The following ZNF320 variants were observed in gnomAD, a reference collection of about 807,000 sequenced individuals.
ZNF320 encodes zinc finger gene 320.
A neutral mutation model predicts 6.8 loss-of-function variants in ZNF320; 2 were observed. That is an observed-to-expected ratio of 0.29 (90% CI 0.12 to 0.93). The LOEUF is 0.93. ZNF320 is among the 40% of genes least tolerant of loss of function. ZNF320 has a pLI of 0.55. For synonymous variants in ZNF320, 208 were observed against 203.2 expected, an observed-to-expected ratio of 1.02 and a Z score of -0.20; for missense variants, 472 against 611.0, an observed-to-expected ratio of 0.77 and a Z score of 2.40.
At chr19:52,899,981 T>C (rs1290476534), upstream of ZNF320, among the ~76,000 whole-genome samples, 1 of 152,218 alleles carries the variant, frequency 6.6e-6, no homozygotes, top group Non-Finnish European at 1.5e-5. Context: ...TAATTACCTA[T>C]GGCTATGCTT....
intron 2 of ZNF320, chr19:52,892,390 C>G (rs111439296): frequency 0.026 from 3,975 of 152,086 alleles, 152 homozygotes; most frequent in African/African-American, 0.085. Context: ...AACGAACAAA[C>G]AAAAAAAGAA....
At chr19:52,882,641 T>C (rs537612618) in intron 5 of ZNF320, among the ~76,000 whole-genome samples, 1 of 152,054 alleles carries the variant, frequency 6.6e-6, no homozygotes, top group African/African-American at 2.4e-5. Flanking sequence ...AGTGAGACTC[T>C]GTCTCAGAAA....
intron 5 of ZNF320, chr19:52,864,206 A>G (rs2063506315): frequency 5.2e-6 from 1 of 192,722 alleles, no homozygotes; most frequent in Non-Finnish European, 1.1e-5. Context: ...AGGCGTTATC[A>G]CCTTCACACG....
intron 5 of ZNF320, among the ~76,000 whole-genome samples, chr19:52,887,488 A>G (rs976322356): frequency 1.1e-4 from 16 of 152,224 alleles, no homozygotes; most frequent in Admixed American, 1.0e-3. Flanking sequence ...GAGCACTGTA[A>G]TATGTAATAT....
chr19:52,859,867 G>A (rs566316226), downstream of ZNF320, among the ~76,000 whole-genome samples: 3 of 151,830 alleles, frequency 2.0e-5, no homozygotes. Flanking sequence ...TACAAAGTAG[G>A]GTGTCCTCAT....
Position 52,881,671 on chromosome 19 carries a change from C to T in ZNF320, c.455G>A (p.Arg152Lys), listed in dbSNP as rs755948199. The part of the protein sequence containing the change: ...SRFHLHLRRH[R>K]RIHTGEKPYK... Reference sequence around the variant, plus strand: ...AGGTTTCTCTCCAGTATGAATTCTCCTATGTCTTCGCAAATGCAAATGAAA... The same window carrying T: ...AGGTTTCTCTCCAGTATGAATTCTCTTATGTCTTCGCAAATGCAAATGAAA... Residue 152 changes from arginine (R) to lysine (K), a missense_variant, in exon 6 of 6, where the codon AGG becomes AAG. This residue lies in a region of ZNF320 where 462 missense variants were observed against 559.7 expected (regional missense o/e 0.83). Transcript: ENST00000682928. 6.2e-7 allele frequency: 1 copy of T among 1,613,976 alleles called. No individual in the cohort carries two copies. Among genetic ancestry groups the T allele is most frequent in the Non-Finnish European group, 8.5e-7 (1 of 1,179,906 alleles).
intron 3 of ZNF320, among the ~76,000 whole-genome samples, chr19:52,890,784 A>G (rs12981949): frequency 0.16 from 23,881 of 152,034 alleles, 1,985 homozygotes; most frequent in East Asian, 0.27. Context: ...GGGAGCTGAG[A>G]TGAGAGGATC....
At chr19:52,882,893 A>T (rs539852745) in intron 5 of ZNF320, among the ~76,000 whole-genome samples, 46 of 152,004 alleles carry the variant, frequency 3.0e-4, no homozygotes, top group Non-Finnish European at 4.7e-4. Context: ...GTGAGCTGAG[A>T]TCACACCATT....
At chr19:52,888,895 A>T (rs973153408) in intron 4 of ZNF320, among the ~76,000 whole-genome samples, 1 of 152,144 alleles carries the variant, frequency 6.6e-6, no homozygotes, top group Non-Finnish European at 1.5e-5. Flanking sequence ...TATAAAAAGT[A>T]GCAAGTTTTG....
exon 6 of ZNF320, among the ~76,000 whole-genome samples, chr19:52,861,058 GA>G (rs1460952115): frequency 7.2e-5 from 11 of 152,038 alleles, no homozygotes; most frequent in African/African-American, 2.7e-4. Context: ...ATCCAAATCA[GA>G]AAGAAAGAAA....
At chr19:52,873,818 G>C (rs760919855), downstream of ZNF320, among the ~76,000 whole-genome samples, 2 of 152,144 alleles carry the variant, frequency 1.3e-5, no homozygotes, top group Non-Finnish European at 2.9e-5. Context: ...CACATCACTA[G>C]GTTATAGGAG....
Position 52,884,120 on chromosome 19 carries a change from A to T in ZNF320, c.143-2137T>A, listed in dbSNP as rs2064004052. ...CATGGCAGGAAGATGGCTGGGCTAAACCGTGAAGAAGCCTCTCACCAGGAA... is the reference window on the plus strand; with the variant it reads ...CATGGCAGGAAGATGGCTGGGCTAATCCGTGAAGAAGCCTCTCACCAGGAA... On this transcript the variant is annotated intron_variant, in intron 5 of 5. Coordinates refer to ENST00000682928, the MANE Select transcript of ZNF320 (RefSeq NM_001351774.2). Among the ~76,000 whole-genome samples, 3 of 152,216 alleles carry T rather than the reference A, an allele frequency of 2.0e-5. No homozygotes were observed. The South Asian group carries it at 6.2e-4, about 31-fold the overall frequency.
At chr19:52,862,308 T>C in exon 6 of ZNF320, 1 of 547,212 alleles carries the variant, frequency 1.8e-6, no homozygotes, top group Non-Finnish European at 3.6e-6. Context: ...TCCTGCAAGG[T>C]GTGAATCACA....
In ZNF320 at chr19:52,893,176, T is replaced by C. The variant is rs143347362; in HGVS notation, c.-192+603A>G. On this transcript the variant is annotated intron_variant, in intron 2 of 5. Transcript: ENST00000682928. ...TCACAGGAGGGTTTGGACACCTTCA[T>C]GTCAGAGGAGCCCATTTTCCAGGGG... 8.8e-3 allele frequency among the ~76,000 whole-genome samples: 1,345 copies of C among 152,106 alleles called. 11 individuals carry two copies. The highest frequency in any genetic ancestry group is 0.03 in the African/African-American group (1,264 of 41,482).
exon 6 of ZNF320, chr19:52,862,261 A>G: frequency 1.5e-6 from 1 of 683,782 alleles, no homozygotes. Flanking sequence ...CACTCATTAC[A>G]CTTGTAAGGT....
chr19:52,889,473 T>C (rs1177964886), intron 4 of ZNF320, among the ~76,000 whole-genome samples: 1 of 151,568 alleles, frequency 6.6e-6, no homozygotes, highest in East Asian at 1.9e-4. Flanking sequence ...TAATAATAGT[T>C]ATAGGTGGAA....
chr19:52,872,124 G>C (rs1188703268), downstream of ZNF320, among the ~76,000 whole-genome samples: 3 of 152,166 alleles, frequency 2.0e-5, no homozygotes, highest in Non-Finnish European at 2.9e-5. Context: ...ATTTGAGGCT[G>C]CTGTAAACTA....
At chr19:52,874,117 C>G (rs2063725901), downstream of ZNF320, 1 of 281,746 alleles carries the variant, frequency 3.5e-6, no homozygotes. Flanking sequence ...GAAATCACTC[C>G]CTCCTTTTCT....
chr19:52,899,303 G>A (rs901600958), upstream of ZNF320, among the ~76,000 whole-genome samples: 5 of 152,120 alleles, frequency 3.3e-5, no homozygotes, highest in South Asian at 2.1e-4. Context: ...ACACCTGTAC[G>A]GGTACATGTG....
Sources: gnomAD v4.1 joint callset for allele counts (sites outside exome capture counted in the v4.1 genomes callset) on GRCh38, gnomAD v4.1.1 for gene constraint, gnomAD v4.1.1 regional missense constraint, MANE v1.5 for transcripts, NCBI Gene and HGNC (gene_info 2026-07-23, HGNC 2026-07-21) for gene names.